The following POFUT1 variants were observed in gnomAD, a reference collection of about 807,000 sequenced individuals.
POFUT1 encodes protein O-fucosyltransferase 1.
In POFUT1, 16 loss-of-function variants were observed where a neutral mutation model predicts 42.4. That is an observed-to-expected ratio of 0.38 (90% CI 0.26 to 0.57). POFUT1 has a LOEUF of 0.57. Ranked by LOEUF, POFUT1 falls within the 20% of genes least tolerant of loss-of-function variation. The pLI is 0.71. For missense variants in POFUT1, 470 were observed against 504.6 expected, an observed-to-expected ratio of 0.93 and a Z score of 0.66; for synonymous variants, 206 against 205.4, an observed-to-expected ratio of 1.00 and a Z score of -0.03.
chr20:32,214,924 T>C (rs2047350684), intron 2 of POFUT1, among the ~76,000 whole-genome samples: 2 of 152,124 alleles, frequency 1.3e-5, no homozygotes, highest in Admixed American at 6.6e-5. Flanking sequence ...TGCTCTGTCG[T>C]CCAAGCTGGA....
rs1456223897 is a variant in POFUT1, at chr20:32,236,466, TAGCTGAGACTGCATGCCC to T, written c.*1810_*1827del. The T allele has an allele frequency of 3.9e-5, 6 of 152,274 alleles. No individual in the cohort carries two copies. Among genetic ancestry groups the T allele is most frequent in the Admixed American group, 3.9e-4 (6 of 15,280 alleles). 9.4% of individuals were successfully genotyped at this position (152,274 alleles called of 1,614,324 possible). ...GATCCTTCTGCCTCAGCCTCTCTGG[TAGCTGAGACTGCATGCCC>T]AGCTCCAAATCACCTTGATTCATAT... On this transcript the variant is annotated 3_prime_UTR_variant, in exon 7 of 7. Coordinates refer to ENST00000375749, the MANE Select transcript of POFUT1 (RefSeq NM_015352.2).
chr20:32,221,951 G>A (rs2047392939), intron 4 of POFUT1, among the ~76,000 whole-genome samples: 1 of 152,136 alleles, frequency 6.6e-6, no homozygotes, highest in Non-Finnish European at 1.5e-5. Flanking sequence ...GTTTTCTTAA[G>A]TAAAAGAAGA....
intron 6 of POFUT1, among the ~76,000 whole-genome samples, chr20:32,232,084 G>C (rs2047446409): frequency 6.6e-6 from 1 of 152,174 alleles, no homozygotes; most frequent in South Asian, 2.1e-4. Context: ...TATATCAAGG[G>C]CCTCCCCTTC....
chr20:32,217,135 T>C lies in POFUT1; in HGVS notation c.542+414T>C, dbSNP rs144435263. 1.1e-4 allele frequency: 176 copies of C among 1,583,326 alleles called. 1 individual carries two copies. The African/African-American group carries it at 2.1e-3, about 19-fold the overall frequency. On this transcript the variant is annotated intron_variant, in intron 4 of 6. Coordinates refer to ENST00000375749, the MANE Select transcript of POFUT1 (RefSeq NM_015352.2). ...GATAATTATTGGACGTGTTTATTAA[T>C]TGCACCCCATTAGCCCCTGTTTTTA...
intron 2 of POFUT1, 27 bp from the exon 3 acceptor site, chr20:32,215,242 G>C (rs1163338773): frequency 1.1e-5 from 18 of 1,587,056 alleles, no homozygotes; most frequent in Non-Finnish European, 1.6e-5. Flanking sequence ...CACTGAGACG[G>C]GACCTCTGCT....
At chr20:32,230,713 T>C in intron 5 of POFUT1, 106 bp from the exon 6 acceptor site, 2 of 1,253,856 alleles carry the variant, frequency 1.6e-6, no homozygotes, top group Non-Finnish European at 2.2e-6. Context: ...AAAAAAAATG[T>C]AGTTAGGTTC....
At chr20:32,215,514 A>G (rs1361553285) in intron 3 of POFUT1, 63 bp downstream of exon 3, 11 of 1,348,360 alleles carry the variant, frequency 8.2e-6, no homozygotes, top group Non-Finnish European at 1.1e-5. Context: ...CCCCAAGACT[A>G]TGTCATGGCA....
At chr20:32,222,703 GATTTC>G in intron 4 of POFUT1, 5 of 985,426 alleles carry the variant, frequency 5.1e-6, no homozygotes, top group Non-Finnish European at 6.0e-6. Flanking sequence ...TTTACCACGT[GATTTC>G]TGAGGATCCT....
chr20:32,219,743 C>T (rs1181644734), intron 4 of POFUT1, among the ~76,000 whole-genome samples: 4 of 151,946 alleles, frequency 2.6e-5, no homozygotes, highest in Non-Finnish European at 5.9e-5. Flanking sequence ...GTGATCCACC[C>T]GCCTCGGCCT....
chr20:32,208,179 C>CATGCCCCGTCCCGCTCTGA, intron 1 of POFUT1, 114 bp downstream of exon 1: 2 of 1,082,758 alleles, frequency 1.8e-6, no homozygotes, highest in Non-Finnish European at 2.6e-6. Flanking sequence ...AACCTCAGAG[C>CATGCCCCGTCCCGCTCTGA]GGGACGGGGC....
In POFUT1 at chr20:32,234,475, G is replaced by A. The variant is rs2047459046; in HGVS notation, c.981G>A (p.Val327=). 6.2e-7 allele frequency: 1 copy of A among 1,603,018 alleles called. No individual in the cohort carries two copies. The highest frequency in any genetic ancestry group is 8.5e-7 in the Non-Finnish European group (1 of 1,174,300). Residue 327 remains valine (V), a splice_region_variant and synonymous_variant, in exon 7 of 7, where the codon GTG becomes GTA. Coordinates refer to ENST00000375749, the MANE Select transcript of POFUT1 (RefSeq NM_015352.2). ...ATGCTCTGTGCTTCTTCCTGCAGGT[G>A]AAGGTGGTGAGCCTGAAGCCTGAGG... ...PELQQLFKGK[V]KVVSLKPEVA...
rs367609340 is a variant in POFUT1 at position 32,210,225 on chromosome 20, C to T, written c.246+33C>T. 9.1e-5 allele frequency: 147 copies of T among 1,612,920 alleles called. No homozygotes were observed. In the Middle Eastern group the frequency reaches 1.2e-3, roughly 13 times the overall value. On this transcript the variant is annotated intron_variant, in intron 2 of 6. Coordinates refer to ENST00000375749, the MANE Select transcript of POFUT1 (RefSeq NM_015352.2). ...CTTCCCACTGACCTTGGCCTTTCTC[C>T]GCCCTTTCTCAGTCTTGCTTACTTA...
At chr20:32,217,148 G>A in intron 4 of POFUT1, 1 of 1,550,500 alleles carries the variant, frequency 6.4e-7, no homozygotes, top group Non-Finnish European at 8.7e-7. Flanking sequence ...CACCCCATTA[G>A]CCCCTGTTTT....
chr20:32,223,411 T>C, intron 4 of POFUT1: 1 of 985,408 alleles, frequency 1.0e-6, no homozygotes. Flanking sequence ...GACAGCTCTT[T>C]GCTGGTCCAG....
intron 2 of POFUT1, among the ~76,000 whole-genome samples, chr20:32,210,784 G>A (rs907747290): frequency 5.3e-5 from 8 of 152,186 alleles, no homozygotes; most frequent in African/African-American, 1.9e-4. Flanking sequence ...GTGACCTTGT[G>A]TCGTTGTTCA....
At chr20:32,233,540 G>A (rs1030809818) in intron 6 of POFUT1, among the ~76,000 whole-genome samples, 1 of 152,182 alleles carries the variant, frequency 6.6e-6, no homozygotes, top group Non-Finnish European at 1.5e-5. Flanking sequence ...CTTGGAGGGC[G>A]GGAAGGACAG....
intron 4 of POFUT1, among the ~76,000 whole-genome samples, chr20:32,221,454 T>C (rs2047390689): frequency 6.6e-6 from 1 of 152,158 alleles, no homozygotes. Context: ...CTCACACCTG[T>C]AATCCTAAGG....
chr20:32,237,840 T>A lies in POFUT1; in HGVS notation c.*3179T>A, dbSNP rs771140373. On this transcript the variant is annotated 3_prime_UTR_variant, in exon 7 of 7. Transcript: ENST00000375749. ...CCCCTAGACTAGGACTCCAGTGCCC[T>A]CCTCTCCCAAGAGACAAAGGCCATT... is the stretch of plus-strand genomic sequence containing the variant. 5.6e-6 allele frequency: 3 copies of A among 534,134 alleles called. No homozygotes were observed. Among genetic ancestry groups the A allele is most frequent in the Non-Finnish European group, 7.7e-6 (2 of 260,008 alleles). The allele number at this position is 534,134 out of a possible 1,614,324, so 33.1% of individuals were successfully genotyped here.
intron 4 of POFUT1, chr20:32,217,584 C>G: frequency 1.0e-6 from 1 of 984,990 alleles, no homozygotes; most frequent in Non-Finnish European, 1.2e-6. Flanking sequence ...TGCACTCCAG[C>G]CCAGGTTACA....
Sources: allele counts gnomAD v4.1 joint callset (sites outside exome capture counted in the v4.1 genomes callset), GRCh38; gene constraint gnomAD v4.1.1; transcripts MANE v1.5; gene names NCBI Gene and HGNC (gene_info 2026-07-23, HGNC 2026-07-21).